The following ZCCHC7 variants were observed in gnomAD, a reference collection of about 807,000 sequenced individuals.
The protein encoded by ZCCHC7 is zinc finger CCHC domain-containing protein 7.
A neutral mutation model predicts 52.0 loss-of-function variants in ZCCHC7; 35 were observed. The observed-to-expected ratio is 0.67, with a 90% CI of 0.51 to 0.89. ZCCHC7 has a LOEUF of 0.89. ZCCHC7 is among the 40% of genes least tolerant of loss of function. The probability of loss-of-function intolerance (pLI) is 0.00; values close to 1 mark genes in which losing one functional copy is unlikely to be tolerated. For missense variants in ZCCHC7, 574 were observed against 649.1 expected (o/e 0.88, Z 1.26); for synonymous variants, 217 against 221.5 (o/e 0.98, Z 0.18).
At chr9:37,156,734 TC>T (rs1385289348) in intron 2 of ZCCHC7, among the ~76,000 whole-genome samples, 1 of 152,218 alleles carries the variant, frequency 6.6e-6, no homozygotes, top group Admixed American at 6.5e-5. Context: ...ATGGGAATGT[TC>T]AGATAGATAC....
chr9:37,293,552 T>A (rs1444025048), intron 2 of ZCCHC7, among the ~76,000 whole-genome samples: 1 of 152,302 alleles, frequency 6.6e-6, no homozygotes, highest in African/African-American at 2.4e-5. Context: ...TGGTATATTT[T>A]CTTTTTGCCT....
intron 5 of ZCCHC7, among the ~76,000 whole-genome samples, chr9:37,310,959 T>TAAA (rs59663698): frequency 2.7e-4 from 31 of 115,048 alleles, no homozygotes; most frequent in African/African-American, 9.1e-4. Flanking sequence ...TCTCTCTTTT[T>TAAA]AAAAAAAAAA....
rs1256168611 is a variant in ZCCHC7 at position 37,143,272 on chromosome 9, T to C, written c.610+16330T>C. Among the ~76,000 whole-genome samples the C allele has an allele frequency of 3.3e-5, 5 of 151,948 alleles. No individual in the cohort carries two copies. In the East Asian group the frequency reaches 9.6e-4, roughly 29 times the overall value. The stretch of plus-strand genomic sequence containing the variant: ...TAAACCTGTATGGTAACTATTGAAG[T>C]ATGATCGAAATACTTTTATTCATGA... On this transcript the variant is annotated intron_variant, in intron 2 of 8. Coordinates refer to ENST00000336755, the MANE Select transcript of ZCCHC7 (RefSeq NM_032226.3).
chr9:37,187,284 G>T (rs570251216), intron 2 of ZCCHC7, among the ~76,000 whole-genome samples: 9 of 152,306 alleles, frequency 5.9e-5, no homozygotes, highest in African/African-American at 2.2e-4. Flanking sequence ...GGGGTCGGGG[G>T]ATAGTTTCGA....
chr9:37,313,499 G>T (rs1041596043), intron 5 of ZCCHC7, among the ~76,000 whole-genome samples: 2 of 152,170 alleles, frequency 1.3e-5, no homozygotes, highest in African/African-American at 4.8e-5. Flanking sequence ...AAATGTATGT[G>T]ACCTTATGTA....
chr9:37,334,120 A>T (rs1830555279), intron 6 of ZCCHC7, among the ~76,000 whole-genome samples: 1 of 151,886 alleles, frequency 6.6e-6, no homozygotes, highest in South Asian at 2.1e-4. Context: ...AGAGTGTAGA[A>T]GTATTATGTA....
chr9:37,144,858 CCCA>C (rs1176530097), intron 2 of ZCCHC7: 1 of 151,924 alleles, frequency 6.6e-6, no homozygotes, highest in Non-Finnish European at 1.5e-5. Context: ...GTATGCCTAG[CCCA>C]CCCCTTCTGG....
chr9:37,179,250 A>T (rs1054059168), intron 2 of ZCCHC7, among the ~76,000 whole-genome samples: 2 of 152,054 alleles, frequency 1.3e-5, no homozygotes, highest in Admixed American at 6.5e-5. Flanking sequence ...AATATGATCG[A>T]TTTATAAGTC....
At chr9:37,213,720 C>T (rs942801454) in intron 2 of ZCCHC7, among the ~76,000 whole-genome samples, 2 of 152,128 alleles carry the variant, frequency 1.3e-5, no homozygotes, top group African/African-American at 4.8e-5. Flanking sequence ...GCCAAGTTTT[C>T]ACCTCCTGAG....
intron 2 of ZCCHC7, among the ~76,000 whole-genome samples, chr9:37,211,681 C>T (rs1408753090): frequency 6.6e-6 from 1 of 152,074 alleles, no homozygotes; most frequent in Non-Finnish European, 1.5e-5. Flanking sequence ...TGTTGCTCAG[C>T]AGTCTGCAAA....
chr9:37,260,154 C>G (rs1443165897), intron 2 of ZCCHC7, among the ~76,000 whole-genome samples: 1 of 152,188 alleles, frequency 6.6e-6, no homozygotes, highest in Admixed American at 6.5e-5. Context: ...GGTCCTTAGG[C>G]TGGAGAGTTA....
intron 2 of ZCCHC7, among the ~76,000 whole-genome samples, chr9:37,199,768 C>CG (rs1823524412): frequency 6.6e-6 from 1 of 151,888 alleles, no homozygotes; most frequent in African/African-American, 2.4e-5. Flanking sequence ...TGCAGTGGCG[C>CG]GATCTCGGCT....
At chr9:37,339,047 T>G (rs187177992) in intron 6 of ZCCHC7, among the ~76,000 whole-genome samples, 2 of 152,284 alleles carry the variant, frequency 1.3e-5, no homozygotes, top group African/African-American at 4.8e-5. Context: ...CATGGTTTTT[T>G]AACACATAAA....
At chr9:37,334,289 A>G (rs1024713514) in intron 6 of ZCCHC7, among the ~76,000 whole-genome samples, 1 of 151,920 alleles carries the variant, frequency 6.6e-6, no homozygotes, top group Non-Finnish European at 1.5e-5. Context: ...TAGAGCATTG[A>G]TATTTGTATT....
chr9:37,310,705 T>C (rs1829552043), intron 5 of ZCCHC7, among the ~76,000 whole-genome samples: 1 of 152,120 alleles, frequency 6.6e-6, no homozygotes, highest in South Asian at 2.1e-4. Flanking sequence ...CTTTCTTAAA[T>C]ATGCAGATAT....
At chr9:37,316,866 C>G (rs1365459743) in intron 5 of ZCCHC7, among the ~76,000 whole-genome samples, 1 of 104,550 alleles carries the variant, frequency 9.6e-6, no homozygotes, top group African/African-American at 4.8e-5. Context: ...TCACATAAGC[C>G]TCTTTTTTTT....
At chr9:37,182,108 CATTT>C (rs1387492311) in intron 2 of ZCCHC7, among the ~76,000 whole-genome samples, 7 of 152,242 alleles carry the variant, frequency 4.6e-5, no homozygotes, top group East Asian at 1.9e-4. Flanking sequence ...AATTCTTTGA[CATTT>C]ATGCTGTAAT....
chr9:37,242,858 C>T (rs1825932169), intron 2 of ZCCHC7, among the ~76,000 whole-genome samples: 1 of 151,754 alleles, frequency 6.6e-6, no homozygotes, highest in Admixed American at 6.6e-5. Context: ...ATTTGAACTT[C>T]AGGAAGCAAT....
intron 2 of ZCCHC7, among the ~76,000 whole-genome samples, chr9:37,157,491 CA>C (rs916495892): frequency 8.6e-5 from 13 of 150,738 alleles, no homozygotes; most frequent in African/African-American, 2.9e-4. Context: ...GACCTTGTCT[CA>C]AAAAAAAGAA....
Sources: gnomAD v4.1 joint callset for allele counts (sites outside exome capture counted in the v4.1 genomes callset) on GRCh38, gnomAD v4.1.1 for gene constraint, MANE v1.5 for transcripts, NCBI Gene and HGNC (gene_info 2026-07-23, HGNC 2026-07-21) for gene names.